PDE1C: variants seen among roughly 807,000 people sequenced by gnomAD.
The protein encoded by PDE1C is phosphodiesterase 1C.
A neutral mutation model predicts 93.1 loss-of-function variants in PDE1C; 62 were observed. The ratio of observed to expected loss-of-function variants is 0.67; its 90% CI spans 0.54 to 0.82. The LOEUF is 0.82. PDE1C is among the 40% of genes least tolerant of loss of function. The probability of loss-of-function intolerance (pLI) is 0.00; values close to 1 mark genes in which losing one functional copy is unlikely to be tolerated. For missense variants in PDE1C, 742 were observed against 884.6 expected, an observed-to-expected ratio of 0.84 and a Z score of 2.04; for synonymous variants, 325 against 310.1, an observed-to-expected ratio of 1.05 and a Z score of -0.50.
intron 2 of PDE1C, among the ~76,000 whole-genome samples, chr7:31,969,107 C>T (rs975989501): frequency 2.0e-5 from 3 of 152,074 alleles, no homozygotes; most frequent in Admixed American, 6.6e-5. Flanking sequence ...AAAGCAATGG[C>T]AACAAAAGCC....
chr7:32,234,035 A>G (rs1462672906), intron 1 of PDE1C, among the ~76,000 whole-genome samples: 1 of 152,030 alleles, frequency 6.6e-6, no homozygotes, highest in Non-Finnish European at 1.5e-5. Context: ...ATTAAACAAA[A>G]CACTTATAAA....
chr7:32,092,382 C>G (rs928981991), intron 3 of PDE1C, among the ~76,000 whole-genome samples: 5 of 152,296 alleles, frequency 3.3e-5, no homozygotes, highest in Middle Eastern at 3.4e-3. Flanking sequence ...GGTCACTAAA[C>G]CCTGGGGCCT....
chr7:31,712,872 C>T, the PDE1C span, among the ~76,000 whole-genome samples: 22 of 152,120 alleles, frequency 1.4e-4, no homozygotes, highest in Non-Finnish European at 2.8e-4. Flanking sequence ...TATTCACTAT[C>T]ACGAGAACAG....
intron 1 of PDE1C, among the ~76,000 whole-genome samples, chr7:32,311,306 G>A (rs1020205643): frequency 3.9e-5 from 6 of 152,202 alleles, no homozygotes; most frequent in Admixed American, 3.9e-4. Flanking sequence ...CGGATTCACA[G>A]CCGAATTCTA....
At chr7:32,357,027 A>G (rs1295291709) in intron 1 of PDE1C, among the ~76,000 whole-genome samples, 1 of 152,184 alleles carries the variant, frequency 6.6e-6, no homozygotes, top group Admixed American at 6.5e-5. Context: ...ACTTCTGAGC[A>G]TATCATTTGT....
chr7:31,987,250 C>G (rs1783531510), intron 2 of PDE1C, among the ~76,000 whole-genome samples: 1 of 152,172 alleles, frequency 6.6e-6, no homozygotes, highest in South Asian at 2.1e-4. Flanking sequence ...ACAACCAGCT[C>G]TCGACAAACA....
intron 1 of PDE1C, among the ~76,000 whole-genome samples, chr7:32,268,247 C>G (rs1003673455): frequency 3.9e-5 from 6 of 152,294 alleles, no homozygotes; most frequent in African/African-American, 1.4e-4. Flanking sequence ...GTGTCTTGCT[C>G]ATTGTGGTCT....
chr7:32,144,745 T>C (rs1800733218), intron 3 of PDE1C, among the ~76,000 whole-genome samples: 1 of 152,134 alleles, frequency 6.6e-6, no homozygotes, highest in Admixed American at 6.5e-5. Context: ...AGATAATGAA[T>C]CCCTTTGCTG....
intron 2 of PDE1C, among the ~76,000 whole-genome samples, chr7:32,192,123 T>C (rs1804277821): frequency 6.6e-6 from 1 of 152,224 alleles, no homozygotes; most frequent in Non-Finnish European, 1.5e-5. Flanking sequence ...CAGTCCTTTG[T>C]TGCATATGTG....
intron 2 of PDE1C, among the ~76,000 whole-genome samples, chr7:32,011,200 T>A (rs1439502571): frequency 6.6e-6 from 1 of 152,100 alleles, no homozygotes. Context: ...TTAACAATTT[T>A]TTTTTTTTTT....
intron 2 of PDE1C, among the ~76,000 whole-genome samples, chr7:32,193,966 G>C (rs370346831): frequency 2.1e-5 from 3 of 144,756 alleles, no homozygotes; most frequent in African/African-American, 7.6e-5. Flanking sequence ...CCAGGCTGGA[G>C]TGCAGTGGCA....
intron 1 of PDE1C, among the ~76,000 whole-genome samples, chr7:32,282,380 G>A (rs1811698199): frequency 6.6e-6 from 1 of 151,146 alleles, no homozygotes; most frequent in Admixed American, 6.6e-5. Context: ...GGAGGCTGAG[G>A]CAGGAGAATC....
At chr7:31,742,267 A>G in the PDE1C span, among the ~76,000 whole-genome samples, 2 of 152,228 alleles carry the variant, frequency 1.3e-5, no homozygotes, top group Non-Finnish European at 2.9e-5. Flanking sequence ...TCCGGCACTA[A>G]CCAGTTTGTA....
At chr7:31,898,130 A>G (rs1274160122) in intron 2 of PDE1C, among the ~76,000 whole-genome samples, 1 of 152,028 alleles carries the variant, frequency 6.6e-6, no homozygotes, top group Non-Finnish European at 1.5e-5. Context: ...AGAATAATTG[A>G]AATAAGTATT....
intron 17 of PDE1C, among the ~76,000 whole-genome samples, chr7:31,753,895 A>C (rs1364413073): frequency 2.6e-5 from 4 of 152,228 alleles, no homozygotes; most frequent in Admixed American, 2.6e-4. Context: ...GAACACAGGT[A>C]TATCATTAAC....
At chr7:31,641,706 C>G in the PDE1C span, among the ~76,000 whole-genome samples, 1 of 152,148 alleles carries the variant, frequency 6.6e-6, no homozygotes, top group Non-Finnish European at 1.5e-5. Flanking sequence ...TGAGCACAAA[C>G]TTGTAGTCAT....
At chr7:32,356,221 A>G (rs1173663790) in intron 1 of PDE1C, among the ~76,000 whole-genome samples, 1 of 152,142 alleles carries the variant, frequency 6.6e-6, no homozygotes, top group African/African-American at 2.4e-5. Flanking sequence ...AGGTTTTAGA[A>G]CCCCAAGAAA....
At chr7:32,125,648 C>T (rs946616133) in intron 3 of PDE1C, among the ~76,000 whole-genome samples, 1 of 151,876 alleles carries the variant, frequency 6.6e-6, no homozygotes, top group African/African-American at 2.4e-5. Flanking sequence ...TGTTCTCACT[C>T]ATAAGCAGGA....
intron 16 of PDE1C, among the ~76,000 whole-genome samples, chr7:31,798,836 C>A (rs1693905089): frequency 6.6e-6 from 1 of 151,560 alleles, no homozygotes. Flanking sequence ...TAACACGAAG[C>A]CCTGTGGGAA....
Sources: gnomAD v4.1 joint callset for allele counts (sites outside exome capture counted in the v4.1 genomes callset) on GRCh38, gnomAD v4.1.1 for gene constraint, MANE v1.5 for transcripts, NCBI Gene and HGNC (gene_info 2026-07-23, HGNC 2026-07-21) for gene names.